The following DTNA variants were observed in gnomAD, a reference collection of about 807,000 sequenced individuals.
DTNA encodes the protein dystrobrevin alpha.
Under a neutral mutation model 100.7 loss-of-function variants are expected in DTNA, and 43 were observed. The ratio of observed to expected loss-of-function variants is 0.43; its 90% CI spans 0.33 to 0.55. DTNA has a LOEUF of 0.55. DTNA is among the 20% of genes least tolerant of loss of function. The probability of loss-of-function intolerance (pLI) is 0.04; values close to 1 mark genes in which losing one functional copy is unlikely to be tolerated. For missense variants in DTNA, 798 were observed against 953.9 expected, an observed-to-expected ratio of 0.84 and a Z score of 2.15; for synonymous variants, 349 against 347.9, an observed-to-expected ratio of 1.00 and a Z score of -0.04.
At chr18:34,696,543 A>G (rs1600362144) in intron 1 of DTNA, among the ~76,000 whole-genome samples, 1 of 152,140 alleles carries the variant, frequency 6.6e-6, no homozygotes, top group African/African-American at 2.4e-5. Flanking sequence ...GAGCCACTGC[A>G]CTCCAGCCTG....
chr18:34,533,845 C>T (rs187816509), intron 1 of DTNA, among the ~76,000 whole-genome samples: 4 of 152,166 alleles, frequency 2.6e-5, no homozygotes, highest in East Asian at 3.9e-4. Flanking sequence ...TTATGACAAT[C>T]GTTCTAAAAA....
intron 1 of DTNA, among the ~76,000 whole-genome samples, chr18:34,498,478 A>AATAATAAT (rs1464800953): frequency 6.9e-6 from 1 of 144,082 alleles, no homozygotes; most frequent in Non-Finnish European, 1.5e-5. Flanking sequence ...TAATAATAAT[A>AATAATAAT]ATAATTTAAT....
At chr18:34,870,165 T>C (rs142939723) in intron 17 of DTNA, among the ~76,000 whole-genome samples, 1 of 152,362 alleles carries the variant, frequency 6.6e-6, no homozygotes, top group Admixed American at 6.5e-5. Flanking sequence ...TGTCTATACA[T>C]TGGTATTATG....
chr18:34,690,911 A>G (rs1275094802), intron 1 of DTNA, among the ~76,000 whole-genome samples: 2 of 152,180 alleles, frequency 1.3e-5, no homozygotes, highest in African/African-American at 4.8e-5. Context: ...ACCCTATAAC[A>G]TAGGCACTAT....
chr18:34,659,631 CAG>C (rs985027636), intron 1 of DTNA, among the ~76,000 whole-genome samples: 14 of 144,836 alleles, frequency 9.7e-5, no homozygotes, highest in African/African-American at 3.8e-4. Flanking sequence ...CAGACACACA[CAG>C]ACACACACAC....
rs745752400 is a variant in DTNA, at chr18:34,815,947, G to A, written c.642G>A (p.Met214Ile). ...VTLNGFLDTL[M>I]SDPPPQCLVW... is the part of the protein sequence containing the mutation. ...TAAATGGTTTCTTGGACACGCTTAT[G>A]TCAGATCCTCCCCCGCAGTGTCTGG... The change falls in exon 7 of 23, where the codon ATG becomes ATA. Residue 214 changes from methionine to isoleucine, a missense_variant. Transcript: ENST00000444659. 5.0e-6 allele frequency: 8 copies of A among 1,613,840 alleles called. No homozygotes were observed. In the Admixed American group the frequency reaches 8.3e-5, roughly 17 times the overall value.
At chr18:34,808,676 T>C (rs114841597) in intron 5 of DTNA, among the ~76,000 whole-genome samples, 18,689 of 152,124 alleles carry the variant, frequency 0.12, 1,223 homozygotes, top group African/African-American at 0.17. Context: ...CAGTTCTCTC[T>C]TGGGCCCAGG....
chr18:34,620,822 A>G (rs989858653), intron 1 of DTNA, among the ~76,000 whole-genome samples: 2 of 152,152 alleles, frequency 1.3e-5, no homozygotes, highest in African/African-American at 4.8e-5. Context: ...CCAGCATTGG[A>G]GATTACATTT....
At chr18:34,636,293 T>G (rs2058662221) in intron 1 of DTNA, among the ~76,000 whole-genome samples, 1 of 152,142 alleles carries the variant, frequency 6.6e-6, no homozygotes, top group Non-Finnish European at 1.5e-5. Context: ...TTTTGTATTT[T>G]TAGTAGAGAC....
rs564105762 is a variant in DTNA, at chr18:34,721,025, A to G, written c.-2+10580A>G. Among the ~76,000 whole-genome samples the G allele has an allele frequency of 3.2e-4, 49 of 152,312 alleles. 1 individual carries two copies. The highest frequency in any genetic ancestry group is 1.1e-3 in the African/African-American group (46 of 41,574). On this transcript the variant is annotated intron_variant, in intron 1 of 22. Transcript: ENST00000444659. ...TGTATGGTGATTTACTGTTTGCAAA[A>G]TATTCAATTATGTTATATTTGAATC...
intron 1 of DTNA, among the ~76,000 whole-genome samples, chr18:34,620,467 C>A (rs1381343073): frequency 6.6e-6 from 1 of 152,080 alleles, no homozygotes; most frequent in Admixed American, 6.6e-5. Context: ...CGAAATACAG[C>A]TTACTCATCG....
intron 6 of DTNA, among the ~76,000 whole-genome samples, chr18:34,812,556 G>A (rs1176267139): frequency 1.3e-5 from 2 of 152,152 alleles, no homozygotes; most frequent in Non-Finnish European, 2.9e-5. Context: ...GAAAGAGAAA[G>A]AATGAAAAGC....
At chr18:34,817,571 C>T (rs1363978833) in intron 7 of DTNA, among the ~76,000 whole-genome samples, 1 of 149,632 alleles carries the variant, frequency 6.7e-6, no homozygotes, top group Non-Finnish European at 1.5e-5. Flanking sequence ...TATACACCTG[C>T]CTCAGGAAAG....
intron 1 of DTNA, among the ~76,000 whole-genome samples, chr18:34,591,817 G>C (rs189979558): frequency 5.2e-4 from 79 of 152,194 alleles, no homozygotes; most frequent in African/African-American, 1.6e-3. Flanking sequence ...AACAAAGTTA[G>C]GCTAAAAGGC....
At chr18:34,716,342 G>A (rs4799775) in intron 1 of DTNA, among the ~76,000 whole-genome samples, 2 of 152,044 alleles carry the variant, frequency 1.3e-5, no homozygotes, top group Non-Finnish European at 2.9e-5. Context: ...CGGGTGGATC[G>A]CCTGAGATCA....
rs1169170737 is a variant in DTNA at position 34,673,734 on chromosome 18, A to G, written c.-1-82242A>G. Among the ~76,000 whole-genome samples, 7 of 152,302 alleles carry G rather than the reference A, an allele frequency of 4.6e-5. No individual in the cohort carries two copies. The East Asian group carries it at 1.2e-3, about 25-fold the overall frequency. On this transcript the variant is annotated intron_variant, in intron 1 of 19. Transcript: ENST00000283365. ...ATTCTACATTCATTGCTGAAGGTAT[A>G]TATTTTTTTCCTGTTGACAGCTATT...
At chr18:34,588,825 T>TGGTGCCTACA (rs5823947) in intron 1 of DTNA, among the ~76,000 whole-genome samples, 15,583 of 152,058 alleles carry the variant, frequency 0.1, 1,157 homozygotes, top group African/African-American at 0.2. Context: ...TCTTCCTCTC[T>TGGTGCCTACA]GGTGTTCTAA....
chr18:34,712,412 G>A (rs2083082092), intron 1 of DTNA, among the ~76,000 whole-genome samples: 1 of 152,040 alleles, frequency 6.6e-6, no homozygotes, highest in East Asian at 1.9e-4. Context: ...AAAATCTACA[G>A]TGAGGTTGTC....
intron 16 of DTNA, among the ~76,000 whole-genome samples, chr18:34,863,179 TA>T (rs1430754493): frequency 1.3e-5 from 2 of 152,240 alleles, no homozygotes; most frequent in East Asian, 3.8e-4. Flanking sequence ...TGTGAACCAT[TA>T]ACATTCCTCA....
Sources: allele counts gnomAD v4.1 joint callset (sites outside exome capture counted in the v4.1 genomes callset), GRCh38; gene constraint gnomAD v4.1.1; transcripts MANE v1.5; gene names NCBI Gene and HGNC (gene_info 2026-07-23, HGNC 2026-07-21).